Variants in TNRC6A observed in about 807,000 individuals in gnomAD.
TNRC6A encodes trinucleotide repeat-containing gene 6A protein.
A neutral mutation model predicts 221.2 loss-of-function variants in TNRC6A; 44 were observed. That is an observed-to-expected ratio of 0.20 (90% CI 0.16 to 0.26). The LOEUF (loss-of-function observed/expected upper bound fraction) is 0.26. Ranked by LOEUF, TNRC6A falls within the 10% of genes least tolerant of loss-of-function variation. TNRC6A has a pLI of 1.00. For missense variants in TNRC6A, 2,199 were observed against 2,404.4 expected (o/e 0.91, Z 1.79); for synonymous variants, 847 against 838.5 (o/e 1.01, Z -0.18).
intron 2 of TNRC6A, among the ~76,000 whole-genome samples, chr16:24,657,329 A>AC (rs1410974079): frequency 6.7e-6 from 1 of 148,194 alleles, no homozygotes; most frequent in Non-Finnish European, 1.5e-5. Flanking sequence ...AAAAAAAAAA[A>AC]AAAAAAAAAA....
At chr16:24,757,266 A>T (rs1378204133) in intron 3 of TNRC6A, among the ~76,000 whole-genome samples, 4 of 140,160 alleles carry the variant, frequency 2.9e-5, no homozygotes, top group African/African-American at 5.5e-5. Context: ...CTGGGGAAAG[A>T]TTAATGTTTG....
chr16:24,785,865 A>G (rs566101070), intron 5 of TNRC6A, among the ~76,000 whole-genome samples: 23 of 152,340 alleles, frequency 1.5e-4, no homozygotes, highest in Middle Eastern at 3.4e-3. Context: ...AAAGACAGTG[A>G]CAAGGGCTGG....
chr16:24,798,005 G>A (rs376167412), intron 11 of TNRC6A, 39 bp downstream of exon 11: 9 of 1,554,152 alleles, frequency 5.8e-6, no homozygotes, highest in Non-Finnish European at 8.0e-6. Flanking sequence ...CCTCATTGAG[G>A]GACACGCACA....
Position 24,704,664 on chromosome 16 carries a change from CAAAAAAAAAAAAAAA to C in TNRC6A, n.403-46046_403-46032del, listed in dbSNP as rs58926085. 4.6e-3 allele frequency among the ~76,000 whole-genome samples: 321 copies of C among 69,472 alleles called. 2 individuals are homozygous for C. Among genetic ancestry groups the C allele is most frequent in the Admixed American group, 0.017 (85 of 4,860 alleles). 45.6% of individuals were successfully genotyped at this position (69,472 alleles called of 152,430 possible). ...TGGGTGACAGAACAAGACTCCGTCT[CAAAAAAAAAAAAAAA>C]AAAAAAAAAAAAAAAGAAAGAAAAA... On this transcript the variant is annotated intron_variant and non_coding_transcript_variant, in intron 2 of 2. Coordinates refer to the TNRC6A transcript ENST00000566108.
chr16:24,677,084 A>T (rs2055434165), intron 2 of TNRC6A, among the ~76,000 whole-genome samples: 1 of 148,862 alleles, frequency 6.7e-6, no homozygotes, highest in Non-Finnish European at 1.5e-5. Flanking sequence ...TGTCCTACAG[A>T]CTCCTTAAAT....
At chr16:24,681,413 A>T (rs2055531286) in intron 2 of TNRC6A, among the ~76,000 whole-genome samples, 1 of 152,076 alleles carries the variant, frequency 6.6e-6, no homozygotes, top group Non-Finnish European at 1.5e-5. Flanking sequence ...TTTTTAGTAG[A>T]GACAGGGTTT....
In TNRC6A at chr16:24,823,537, G is replaced by A. The variant is rs202033612; in HGVS notation, c.5619G>A (p.Gln1873=). The change falls in exon 25 of 25, where the codon CAG becomes CAA. Residue 1873 remains glutamine (Q), a synonymous_variant. Coordinates refer to ENST00000395799, the MANE Select transcript of TNRC6A (RefSeq NM_014494.4). The surrounding 1 kb of genome is among the most constrained non-coding windows in gnomAD (Gnocchi z 4.3). ...SQSLTPSPGW[Q]SLGSSQSRLG... ...CTCTGACCCCTTCTCCCGGCTGGCA[G>A]TCTCTCGGGTCCAGCCAGAGCCGGC... 113 of 1,614,098 alleles carry A rather than the reference G, an allele frequency of 7.0e-5. No homozygotes were observed. The highest frequency in any genetic ancestry group is 1.4e-5 in the Non-Finnish European group (17 of 1,180,052).
chr16:24,818,581 TC>T lies in TNRC6A; in HGVS notation c.4973-7del. The T allele has an allele frequency of 1.2e-6, 2 of 1,611,570 alleles. No homozygotes were observed. Among genetic ancestry groups the T allele is most frequent in the Non-Finnish European group, 1.7e-6 (2 of 1,177,668 alleles). ...TTGCTCTGGTGGCTGATTGGACTCT[TC>T]CCCCACACAGGGTCATCCTCATCCT... On this transcript the variant is annotated splice_polypyrimidine_tract_variant and intron_variant, in intron 20 of 24. Transcript: ENST00000395799.
intron 14 of TNRC6A, chr16:24,805,396 A>G (rs562804920): frequency 4.4e-6 from 4 of 899,388 alleles, no homozygotes; most frequent in Non-Finnish European, 6.6e-6. Flanking sequence ...AGTAAAATTG[A>G]CTAGTTTAAG....
chr16:24,743,473 GCAC>G (rs2056936371), intron 2 of TNRC6A, among the ~76,000 whole-genome samples: 1 of 152,010 alleles, frequency 6.6e-6, no homozygotes, highest in Non-Finnish European at 1.5e-5. Flanking sequence ...CTACAGGCAT[GCAC>G]CACCACACCC....
At chr16:24,806,374 T>A (rs1351119670) in intron 16 of TNRC6A, 91 bp downstream of exon 16, 1 of 1,515,488 alleles carries the variant, frequency 6.6e-7, no homozygotes, top group African/African-American at 1.4e-5. Flanking sequence ...AATGTCTTTC[T>A]TAAAACAATC....
upstream of TNRC6A, chr16:24,729,607 A>C (rs1000753623): frequency 2.4e-6 from 1 of 414,816 alleles, no homozygotes; most frequent in Non-Finnish European, 4.1e-6. Context: ...CTTGGGGGCC[A>C]GTGGCCGTGG....
chr16:24,709,991 C>A (rs1268265938), intron 2 of TNRC6A, among the ~76,000 whole-genome samples: 1 of 151,286 alleles, frequency 6.6e-6, no homozygotes, highest in African/African-American at 2.4e-5. Flanking sequence ...ACTTTGAGAG[C>A]CCAAGGCAGG....
intron 3 of TNRC6A, among the ~76,000 whole-genome samples, chr16:24,756,169 G>A (rs1237804565): frequency 2.0e-5 from 3 of 152,086 alleles, no homozygotes; most frequent in Non-Finnish European, 4.4e-5. Flanking sequence ...GGCATCTTGT[G>A]TTCTTTTAAA....
At chr16:24,705,288 C>T (rs1338526436) in intron 2 of TNRC6A, among the ~76,000 whole-genome samples, 1 of 152,044 alleles carries the variant, frequency 6.6e-6, no homozygotes, top group African/African-American at 2.4e-5. Flanking sequence ...CCAGGATGGC[C>T]TCTCAAACTC....
chr16:24,793,935 C>T (rs1448278944), intron 7 of TNRC6A, among the ~76,000 whole-genome samples: 2 of 152,134 alleles, frequency 1.3e-5, no homozygotes, highest in Non-Finnish European at 2.9e-5. Flanking sequence ...GAAGAGTCTA[C>T]TAGCAACTTT....
intron 2 of TNRC6A, among the ~76,000 whole-genome samples, chr16:24,698,358 T>A (rs1236424784): frequency 6.6e-6 from 1 of 151,990 alleles, no homozygotes; most frequent in Non-Finnish European, 1.5e-5. Context: ...CAAGATTGGA[T>A]TAAATGCCAT....
chr16:24,812,717 A>G (rs545190355), intron 18 of TNRC6A, among the ~76,000 whole-genome samples: 1 of 152,242 alleles, frequency 6.6e-6, no homozygotes, highest in East Asian at 1.9e-4. Context: ...GGTTTGTGTA[A>G]GGGCACTCTG....
chr16:24,683,425 T>G (rs936447147), intron 2 of TNRC6A, among the ~76,000 whole-genome samples: 1 of 152,144 alleles, frequency 6.6e-6, no homozygotes, highest in Non-Finnish European at 1.5e-5. Flanking sequence ...TTTAAACACC[T>G]GTGCTCAAGC....
Sources: allele counts gnomAD v4.1 joint callset (sites outside exome capture counted in the v4.1 genomes callset), GRCh38; gene constraint gnomAD v4.1.1; non-coding constraint Gnocchi (gnomAD v3.1); transcripts MANE v1.5; gene names NCBI Gene and HGNC (gene_info 2026-07-23, HGNC 2026-07-21).